The following MTA3 variants were observed in gnomAD, a reference collection of about 807,000 sequenced individuals.
MTA3 encodes metastasis associated 1 family member 3.
A neutral mutation model predicts 83.5 loss-of-function variants in MTA3; 34 were observed. That is an observed-to-expected ratio of 0.41 (90% CI 0.31 to 0.54). The LOEUF (loss-of-function observed/expected upper bound fraction) is 0.54. Ranked by LOEUF, MTA3 falls within the 20% of genes least tolerant of loss-of-function variation. The pLI is 0.33. For synonymous variants in MTA3, 303 were observed against 252.7 expected (o/e 1.20, Z -1.89); for missense variants, 761 against 726.4 (o/e 1.05, Z -0.55).
At chr2:42,501,012 G>A (rs549566657) in intron 2 of MTA3, among the ~76,000 whole-genome samples, 2 of 152,130 alleles carry the variant, frequency 1.3e-5, no homozygotes, top group African/African-American at 4.8e-5. Context: ...GGGTTTCACC[G>A]TGTTAGCCAG....
At chr2:42,494,330 C>A (rs951763620), upstream of MTA3, among the ~76,000 whole-genome samples, 2 of 152,288 alleles carry the variant, frequency 1.3e-5, no homozygotes, top group East Asian at 3.9e-4. Flanking sequence ...TCCCCAGGGC[C>A]CCTTTTAACA....
At chr2:42,723,170 G>A in intron 16 of MTA3, 135 bp downstream of exon 16, 1 of 1,095,766 alleles carries the variant, frequency 9.1e-7, no homozygotes. Flanking sequence ...TGAGGAATAA[G>A]GGGGAATACA....
intron 3 of MTA3, among the ~76,000 whole-genome samples, chr2:42,606,215 C>T (rs2104045987): frequency 7.1e-6 from 1 of 141,150 alleles, no homozygotes; most frequent in East Asian, 2.1e-4. Flanking sequence ...CCCCACCTCC[C>T]TCCCGGACGG....
chr2:42,503,099 A>G (rs1054600665), intron 2 of MTA3, among the ~76,000 whole-genome samples: 29 of 152,214 alleles, frequency 1.9e-4, no homozygotes, highest in African/African-American at 7.0e-4. Context: ...CAAGTTTGTT[A>G]GAGAAGTAAT....
chr2:42,688,441 C>T (rs1277325134), intron 9 of MTA3, among the ~76,000 whole-genome samples: 2 of 152,138 alleles, frequency 1.3e-5, no homozygotes, highest in East Asian at 1.9e-4. Context: ...CATTTCATTT[C>T]GGTTTTAATT....
At chr2:42,607,467 C>T (rs574065065) in intron 3 of MTA3, among the ~76,000 whole-genome samples, 7 of 152,236 alleles carry the variant, frequency 4.6e-5, no homozygotes, top group Admixed American at 3.9e-4. Context: ...GCACCTTCCA[C>T]CTCCTGGGCT....
At chr2:42,743,511 A>C (rs919904492) in intron 16 of MTA3, among the ~76,000 whole-genome samples, 1 of 152,206 alleles carries the variant, frequency 6.6e-6, no homozygotes, top group African/African-American at 2.4e-5. Context: ...TGAATTGTAC[A>C]ATAAAGCCCT....
chr2:42,626,840 A>G (rs2104229935), intron 4 of MTA3, among the ~76,000 whole-genome samples: 1 of 152,136 alleles, frequency 6.6e-6, no homozygotes, highest in East Asian at 1.9e-4. Context: ...TCCCAGGTTC[A>G]AGCAATTCTT....
chr2:42,520,617 G>A (rs952051444), intron 2 of MTA3, among the ~76,000 whole-genome samples: 1 of 151,276 alleles, frequency 6.6e-6, no homozygotes, highest in Non-Finnish European at 1.5e-5. Context: ...GTCTCACTAT[G>A]TTGTCCAGGC....
intron 9 of MTA3, among the ~76,000 whole-genome samples, chr2:42,691,011 G>A (rs764600952): frequency 6.6e-6 from 1 of 151,888 alleles, no homozygotes; most frequent in Non-Finnish European, 1.5e-5. Flanking sequence ...CAAGTAGCTG[G>A]GACTACAGGT....
At chr2:42,739,022 C>G (rs1408303014) in intron 16 of MTA3, among the ~76,000 whole-genome samples, 4 of 152,186 alleles carry the variant, frequency 2.6e-5, no homozygotes, top group Admixed American at 2.0e-4. Context: ...GTCCTGTGAT[C>G]TCGCCCTGCC....
intron 16 of MTA3, among the ~76,000 whole-genome samples, chr2:42,732,483 A>G (rs1041367064): frequency 2.6e-5 from 4 of 152,320 alleles, no homozygotes; most frequent in East Asian, 1.9e-4. Flanking sequence ...GGCCTGGCCT[A>G]TGAAACCACT....
chr2:42,528,412 GT>G (rs1675816050), intron 2 of MTA3, among the ~76,000 whole-genome samples: 1 of 151,802 alleles, frequency 6.6e-6, no homozygotes. Flanking sequence ...TAGAGATGGA[GT>G]TTCGTCATGT....
intron 2 of MTA3, among the ~76,000 whole-genome samples, chr2:42,561,849 C>T (rs1338450199): frequency 6.6e-6 from 1 of 152,094 alleles, no homozygotes; most frequent in Admixed American, 6.5e-5. Flanking sequence ...TTCTGGGTGA[C>T]TCTATGTTTA....
chr2:42,604,133 C>T (rs1483120213), intron 3 of MTA3, among the ~76,000 whole-genome samples: 1 of 151,824 alleles, frequency 6.6e-6, no homozygotes, highest in African/African-American at 2.4e-5. Flanking sequence ...CCTCCGTCTC[C>T]TGGGTTCAAG....
In MTA3 at chr2:42,633,614, G is replaced by T. The variant is rs571182723; in HGVS notation, c.318-6559G>T. 2.2e-4 allele frequency among the ~76,000 whole-genome samples: 34 copies of T among 151,520 alleles called. No individual in the cohort carries two copies. The South Asian group carries it at 5.4e-3, about 24-fold the overall frequency. Reference sequence around the variant, plus strand: ...TCCATTAAAAATCATATTCTTGGCTGGGCGCGGTGGCTCATGCCTGTAATC... The same window carrying T: ...TCCATTAAAAATCATATTCTTGGCTTGGCGCGGTGGCTCATGCCTGTAATC... On this transcript the variant is annotated intron_variant, in intron 4 of 16. Transcript: ENST00000405094.
At chr2:42,633,305 C>T (rs556732210) in intron 4 of MTA3, among the ~76,000 whole-genome samples, 200 of 151,452 alleles carry the variant, frequency 1.3e-3, no homozygotes, top group African/African-American at 1.9e-3. Context: ...GGTCCAGGGT[C>T]GGGTTTGATG....
chr2:42,632,594 T>G (rs1686790225), intron 4 of MTA3, among the ~76,000 whole-genome samples: 1 of 152,172 alleles, frequency 6.6e-6, no homozygotes, highest in Non-Finnish European at 1.5e-5. Context: ...GAGAAGGATA[T>G]TTTTCCTACT....
chr2:42,528,793 G>T (rs1357399444), intron 2 of MTA3, among the ~76,000 whole-genome samples: 1 of 152,190 alleles, frequency 6.6e-6, no homozygotes, highest in Non-Finnish European at 1.5e-5. Context: ...AGCAAAGAAC[G>T]ACTTGTGACT....
Sources: gnomAD v4.1 joint callset for allele counts (sites outside exome capture counted in the v4.1 genomes callset) on GRCh38, gnomAD v4.1.1 for gene constraint, MANE v1.5 for transcripts, NCBI Gene and HGNC (gene_info 2026-07-23, HGNC 2026-07-21) for gene names.